Variants in DCLK1 observed in about 807,000 individuals in gnomAD.
The protein encoded by DCLK1 is serine/threonine-protein kinase DCLK1.
Under a neutral mutation model 86.2 loss-of-function variants are expected in DCLK1, and 16 were observed. That is an observed-to-expected ratio of 0.19 (90% CI 0.13 to 0.28). The LOEUF is 0.28. DCLK1 is among the 10% of genes least tolerant of loss of function. DCLK1 has a pLI of 1.00. For synonymous variants in DCLK1, 369 were observed against 370.5 expected, an observed-to-expected ratio of 1.00 and a Z score of 0.05; for missense variants, 590 against 940.2, an observed-to-expected ratio of 0.63 and a Z score of 4.87.
chr13:36,021,796 ATAGT>A (rs1227785699), intron 3 of DCLK1, among the ~76,000 whole-genome samples: 1 of 152,122 alleles, frequency 6.6e-6, no homozygotes, highest in Non-Finnish European at 1.5e-5. Context: ...TTCAACAATA[ATAGT>A]TAGAGACCTC....
intron 16 of DCLK1, among the ~76,000 whole-genome samples, chr13:35,779,503 T>C (rs2086484710): frequency 6.6e-6 from 1 of 152,202 alleles, no homozygotes; most frequent in African/African-American, 2.4e-5. Flanking sequence ...GTGGCACACA[T>C]ATTAAGTGTG....
intron 6 of DCLK1, among the ~76,000 whole-genome samples, chr13:35,839,823 A>G (rs889940325): frequency 2.0e-5 from 3 of 152,214 alleles, no homozygotes; most frequent in African/African-American, 7.2e-5. Flanking sequence ...AGATCCATGA[A>G]AGCAAACAGG....
At chr13:35,932,967 C>T (rs1196075457) in intron 4 of DCLK1, among the ~76,000 whole-genome samples, 4 of 152,182 alleles carry the variant, frequency 2.6e-5, no homozygotes, top group Non-Finnish European at 4.4e-5. Context: ...TACCTATGAG[C>T]CTGTAAAATC....
At chr13:35,804,222 C>T (rs1043760193) in intron 15 of DCLK1, among the ~76,000 whole-genome samples, 4 of 152,102 alleles carry the variant, frequency 2.6e-5, no homozygotes, top group Non-Finnish European at 1.5e-5. Context: ...CCTCCGCCTC[C>T]TGGGTTCAAG....
chr13:35,967,488 T>C (rs1325114980), intron 3 of DCLK1, among the ~76,000 whole-genome samples: 1 of 152,134 alleles, frequency 6.6e-6, no homozygotes, highest in Non-Finnish European at 1.5e-5. Flanking sequence ...CTAAGAAAAA[T>C]TCTTCTGCCT....
intron 2 of DCLK1, among the ~76,000 whole-genome samples, chr13:36,118,193 G>T (rs1885859965): frequency 6.6e-6 from 1 of 152,202 alleles, no homozygotes; most frequent in South Asian, 2.1e-4. Context: ...TGATAAACAG[G>T]TTGCACTGGC....
intron 3 of DCLK1, among the ~76,000 whole-genome samples, chr13:36,099,159 G>A (rs566871595): frequency 6.6e-6 from 1 of 152,014 alleles, no homozygotes; most frequent in African/African-American, 2.4e-5. Context: ...GTAGAGACGG[G>A]GTTTCACCAC....
At chr13:36,012,004 TC>T (rs1425164345) in intron 3 of DCLK1, among the ~76,000 whole-genome samples, 2 of 148,288 alleles carry the variant, frequency 1.3e-5, no homozygotes, top group African/African-American at 5.1e-5. Context: ...TCTCTTTTGA[TC>T]TTTGTTGGTT....
chr13:35,875,464 C>A (rs17053049), intron 4 of DCLK1, among the ~76,000 whole-genome samples: 1,711 of 152,272 alleles, frequency 0.011, 27 homozygotes, highest in African/African-American at 0.038. Context: ...TACCAACCAG[C>A]AATCCAGGAC....
chr13:35,879,648 G>C (rs17182668), intron 4 of DCLK1, among the ~76,000 whole-genome samples: 5,746 of 152,166 alleles, frequency 0.038, 188 homozygotes, highest in Middle Eastern at 0.068. Flanking sequence ...CATCCACAAG[G>C]GTCCCAGTTG....
intron 10 of DCLK1, among the ~76,000 whole-genome samples, chr13:35,826,133 C>T (rs1593632005): frequency 6.6e-6 from 1 of 151,974 alleles, no homozygotes; most frequent in Non-Finnish European, 1.5e-5. Flanking sequence ...GCCCAGCCGA[C>T]TTTTCTTTAT....
intron 9 of DCLK1, 27 bp downstream of exon 9, chr13:35,828,223 T>G: frequency 6.3e-7 from 1 of 1,585,814 alleles, no homozygotes; most frequent in Non-Finnish European, 8.6e-7. Context: ...AACACTCTTA[T>G]CTCATAAGAA....
intron 11 of DCLK1, among the ~76,000 whole-genome samples, chr13:35,814,910 GCAGATGGCTA>G (rs2087234800): frequency 1.3e-5 from 2 of 152,152 alleles, no homozygotes; most frequent in Admixed American, 1.3e-4. Context: ...TGGGATCATT[GCAGATGGCTA>G]CAGTCGGAGA....
chr13:35,809,983 A>C (rs1280158816), intron 12 of DCLK1, among the ~76,000 whole-genome samples: 1 of 152,132 alleles, frequency 6.6e-6, no homozygotes, highest in Non-Finnish European at 1.5e-5. Flanking sequence ...ACTGCTAATG[A>C]GAAGAAAAAG....
intron 3 of DCLK1, among the ~76,000 whole-genome samples, chr13:35,973,510 C>A (rs1879170688): frequency 6.6e-6 from 1 of 152,206 alleles, no homozygotes; most frequent in Non-Finnish European, 1.5e-5. Flanking sequence ...ATGCCACACA[C>A]CTCATTATAT....
chr13:36,003,645 C>T (rs1880819882), intron 3 of DCLK1, among the ~76,000 whole-genome samples: 1 of 152,064 alleles, frequency 6.6e-6, no homozygotes. Flanking sequence ...AAATATACAG[C>T]CTATCAAAAT....
At chr13:35,967,847 A>T (rs1878858932) in intron 3 of DCLK1, among the ~76,000 whole-genome samples, 1 of 152,082 alleles carries the variant, frequency 6.6e-6, no homozygotes, top group South Asian at 2.1e-4. Context: ...AATTTAAAAA[A>T]AAAAGTAAAA....
chr13:35,972,236 T>C (rs1879100339), intron 3 of DCLK1, among the ~76,000 whole-genome samples: 1 of 152,162 alleles, frequency 6.6e-6, no homozygotes, highest in African/African-American at 2.4e-5. Context: ...TTTCCTCATG[T>C]AGATTCTTAA....
intron 3 of DCLK1, among the ~76,000 whole-genome samples, chr13:35,977,592 AT>A (rs5802796): frequency 0.11 from 16,892 of 150,008 alleles, 1,070 homozygotes; most frequent in East Asian, 0.21. Context: ...CTAATGGGCT[AT>A]TTTTTTTTTA....
Sources: allele counts gnomAD v4.1 joint callset (sites outside exome capture counted in the v4.1 genomes callset), GRCh38; gene constraint gnomAD v4.1.1; transcripts MANE v1.5; gene names NCBI Gene and HGNC (gene_info 2026-07-23, HGNC 2026-07-21).